The following SNTG1 variants were observed in gnomAD, a reference collection of about 807,000 sequenced individuals.
SNTG1 encodes gamma-1-syntrophin.
A neutral mutation model predicts 74.7 loss-of-function variants in SNTG1; 39 were observed. That is an observed-to-expected ratio of 0.52 (90% CI 0.40 to 0.68). The LOEUF (loss-of-function observed/expected upper bound fraction) is 0.68. Ranked by LOEUF, SNTG1 falls within the 30% of genes least tolerant of loss-of-function variation. The pLI is 0.00. For missense variants in SNTG1, 685 were observed against 609.5 expected, an observed-to-expected ratio of 1.12 and a Z score of -1.30; for synonymous variants, 254 against 217.1, an observed-to-expected ratio of 1.17 and a Z score of -1.49.
At chr8:50,468,788 T>C (rs988220369) in intron 8 of SNTG1, among the ~76,000 whole-genome samples, 1 of 152,208 alleles carries the variant, frequency 6.6e-6, no homozygotes, top group African/African-American at 2.4e-5. Flanking sequence ...GTATCAATTA[T>C]GCTTTTGAAA....
chr8:50,411,583 C>G (rs112668196), intron 4 of SNTG1, among the ~76,000 whole-genome samples: 2,808 of 151,972 alleles, frequency 0.018, 87 homozygotes, highest in African/African-American at 0.063. Context: ...GATTTTATAA[C>G]AGAAAGATAA....
intron 15 of SNTG1, among the ~76,000 whole-genome samples, chr8:50,687,233 A>G (rs1361513399): frequency 6.6e-6 from 1 of 152,088 alleles, no homozygotes; most frequent in East Asian, 1.9e-4. Flanking sequence ...GAGAGATGAA[A>G]AATGAAAAAA....
intron 1 of SNTG1, among the ~76,000 whole-genome samples, chr8:50,093,525 A>G (rs1316151967): frequency 6.6e-6 from 1 of 152,130 alleles, no homozygotes; most frequent in Non-Finnish European, 1.5e-5. Context: ...AATAGCAACC[A>G]AAATTCCATG....
intron 8 of SNTG1, among the ~76,000 whole-genome samples, chr8:50,472,982 T>A (rs1449287686): frequency 6.6e-6 from 1 of 152,118 alleles, no homozygotes; most frequent in East Asian, 1.9e-4. Flanking sequence ...CAAAGTGATA[T>A]TCTCAAACCA....
intron 1 of SNTG1, among the ~76,000 whole-genome samples, chr8:50,063,479 C>T (rs1820646989): frequency 6.6e-6 from 1 of 152,158 alleles, no homozygotes; most frequent in Non-Finnish European, 1.5e-5. Context: ...ATGAGAACAG[C>T]ATTGCCAGTA....
At chr8:49,938,649 T>TTTC (rs1585582042) in intron 1 of SNTG1, among the ~76,000 whole-genome samples, 3 of 142,352 alleles carry the variant, frequency 2.1e-5, no homozygotes, top group African/African-American at 5.5e-5. Context: ...CTTTCCTTCC[T>TTTC]CTCTCTCTCT....
intron 1 of SNTG1, among the ~76,000 whole-genome samples, chr8:49,984,338 T>C (rs1258720109): frequency 6.6e-6 from 1 of 152,104 alleles, no homozygotes; most frequent in Non-Finnish European, 1.5e-5. Flanking sequence ...CCCGAGTAGC[T>C]GGGATTACAG....
intron 8 of SNTG1, among the ~76,000 whole-genome samples, chr8:50,474,003 A>C (rs1180250031): frequency 6.6e-6 from 1 of 151,980 alleles, no homozygotes; most frequent in Non-Finnish European, 1.5e-5. Flanking sequence ...TCCACCACAG[A>C]GGTGCAACGG....
chr8:50,307,767 A>G (rs2089960333), intron 2 of SNTG1, among the ~76,000 whole-genome samples: 2 of 151,824 alleles, frequency 1.3e-5, no homozygotes, highest in South Asian at 4.2e-4. Context: ...ATGTAATTCA[A>G]TTATAACTTC....
chr8:50,685,097 G>C (rs1013578785), intron 15 of SNTG1, among the ~76,000 whole-genome samples: 6 of 152,038 alleles, frequency 3.9e-5, no homozygotes, highest in Non-Finnish European at 7.4e-5. Flanking sequence ...AAGCCATGAC[G>C]TGTAGATAGA....
intron 13 of SNTG1, among the ~76,000 whole-genome samples, chr8:50,627,402 CAG>C (rs1408867607): frequency 6.6e-6 from 1 of 152,162 alleles, no homozygotes; most frequent in African/African-American, 2.4e-5. Context: ...CATGTGAGGA[CAG>C]AGTGTTCCTT....
intron 12 of SNTG1, among the ~76,000 whole-genome samples, chr8:50,582,964 C>T (rs191226658): frequency 1.2e-4 from 18 of 152,154 alleles, no homozygotes; most frequent in Middle Eastern, 3.4e-3. Context: ...CTTATCACAA[C>T]TGCAGCATAA....
At chr8:50,686,558 A>C (rs2095353261) in intron 15 of SNTG1, among the ~76,000 whole-genome samples, 1 of 152,146 alleles carries the variant, frequency 6.6e-6, no homozygotes, top group Non-Finnish European at 1.5e-5. Flanking sequence ...ATAAAGAATT[A>C]ATTTGTATAT....
chr8:50,721,832 G>A (rs1229600041), intron 17 of SNTG1, among the ~76,000 whole-genome samples: 3 of 152,016 alleles, frequency 2.0e-5, no homozygotes, highest in African/African-American at 7.2e-5. Flanking sequence ...ATAGGAAAGG[G>A]CCCAGCACAG....
intron 12 of SNTG1, among the ~76,000 whole-genome samples, chr8:50,554,413 C>T (rs2094444047): frequency 6.6e-6 from 1 of 151,646 alleles, no homozygotes; most frequent in Admixed American, 6.6e-5. Context: ...TGTCACGCTG[C>T]CTTTTGAATT....
intron 8 of SNTG1, among the ~76,000 whole-genome samples, chr8:50,472,791 C>T (rs766995282): frequency 1.3e-4 from 19 of 151,774 alleles, no homozygotes; most frequent in Admixed American, 3.3e-4. Context: ...AGTTAATATT[C>T]GGAATATATA....
chr8:50,610,395 A>G (rs1388305336), intron 13 of SNTG1, among the ~76,000 whole-genome samples: 1 of 151,996 alleles, frequency 6.6e-6, no homozygotes, highest in Admixed American at 6.6e-5. Flanking sequence ...CTTCCTCCCC[A>G]CTGTGATTTG....
At chr8:50,712,989 A>G (rs1310779035) in intron 17 of SNTG1, among the ~76,000 whole-genome samples, 11 of 151,424 alleles carry the variant, frequency 7.3e-5, no homozygotes, top group Admixed American at 6.6e-4. Context: ...TTTATAGGAG[A>G]ATTTATAATC....
intron 1 of SNTG1, among the ~76,000 whole-genome samples, chr8:50,124,416 C>T (rs1202250275): frequency 7.0e-6 from 1 of 142,178 alleles, no homozygotes; most frequent in Non-Finnish European, 1.6e-5. Flanking sequence ...AATAGTATTG[C>T]TGCTAAAGGA....
Sources: allele counts gnomAD v4.1 joint callset (sites outside exome capture counted in the v4.1 genomes callset), GRCh38; gene constraint gnomAD v4.1.1; transcripts MANE v1.5; gene names NCBI Gene and HGNC (gene_info 2026-07-23, HGNC 2026-07-21).